The following AMT variants were observed in gnomAD, a reference collection of about 807,000 sequenced individuals.
AMT encodes the protein aminomethyltransferase, also known as aminomethyltransferase, mitochondrial.
Under a neutral mutation model 39.5 loss-of-function variants are expected in AMT, and 24 were observed. That is an observed-to-expected ratio of 0.61 (90% CI 0.44 to 0.86). AMT has a LOEUF of 0.86. Ranked by LOEUF, AMT falls within the 40% of genes least tolerant of loss-of-function variation. AMT has a pLI of 0.00. For synonymous variants in AMT, 210 were observed against 212.1 expected, an observed-to-expected ratio of 0.99 and a Z score of 0.09; for missense variants, 501 against 537.0, an observed-to-expected ratio of 0.93 and a Z score of 0.66.
rs764032357 is a variant in AMT at position 49,422,438 on chromosome 3, C to G, written c.13G>C (p.Val5Leu). Reference protein sequence around the residue: MQRAVSVVARLGFRL... With the variant: MQRALSVVARLGFRL... The stretch of plus-strand genomic sequence containing the variant: ...AAGCCCAGACGGGCCACCACACTTA[C>G]AGCCCTCTGCATCGTCGCCTGCAAC... Residue 5 changes from valine (V) to leucine (L), a missense_variant, in exon 1 of 9, where the codon GTA becomes CTA. Coordinates refer to ENST00000273588, the MANE Select transcript of AMT (RefSeq NM_000481.4). 13 of 1,613,228 alleles carry G rather than the reference C, an allele frequency of 8.1e-6. No homozygotes were observed. The highest frequency in any genetic ancestry group is 7.6e-6 in the Non-Finnish European group (9 of 1,179,960).
chr3:49,421,679 CA>C, intron 2 of AMT, 107 bp from the exon 3 acceptor site: 11 of 1,025,680 alleles, frequency 1.1e-5, no homozygotes, highest in Non-Finnish European at 1.2e-5. Context: ...CCAGCCCACC[CA>C]AAGTGACTAA....
intron 3 of AMT, 111 bp downstream of exon 3, chr3:49,421,381 T>G: frequency 1.2e-6 from 1 of 836,432 alleles, no homozygotes; most frequent in Non-Finnish European, 2.1e-6. Context: ...CTGCAAGCCC[T>G]GAGAAGCTGT....
Position 49,419,146 on chromosome 3 carries a change from C to G in AMT, c.702G>C (p.Ser234=), listed in dbSNP as rs761701860. The G allele has an allele frequency of 6.2e-7, 1 of 1,613,930 alleles. No individual in the cohort carries two copies. The highest frequency in any genetic ancestry group is 8.5e-7 in the Non-Finnish European group (1 of 1,179,950). Residue 234 remains serine (S), a synonymous_variant, in exon 7 of 9, where the codon TCG becomes TCC. Coordinates refer to ENST00000273588, the MANE Select transcript of AMT (RefSeq NM_000481.4). The part of the protein sequence containing the change: ...GYTGEDGVEI[S]VPVAGAVHLA... ...GGTGAACTGCCCCCGCTACCGGCAC[C>G]GAGATCTGTATGAAACACCAGAGGG...
chr3:49,420,743 C>T, intron 3 of AMT: 1 of 282,158 alleles, frequency 3.5e-6, no homozygotes, highest in East Asian at 8.4e-5. Context: ...CTCCTAAGTA[C>T]TCCATAGCAA....
chr3:49,422,259 T>G lies in AMT; in HGVS notation c.103A>C (p.Arg35=), dbSNP rs1385254988. The change falls in exon 2 of 9, where the codon AGG becomes CGG. Residue 35 remains arginine (R), a synonymous_variant. Coordinates refer to ENST00000273588, the MANE Select transcript of AMT (RefSeq NM_000481.4). ...AGGTGGAAGTCATAGAGCGGTGTCC[T>G]GCGGAGCACCTCCTGTGGGCGGCTG... is the stretch of plus-strand genomic sequence containing the variant. ...PLSCAQEVLR[R]TPLYDFHLAH... is the part of the protein sequence containing the mutation. 1 of 1,613,954 alleles carries G rather than the reference T, an allele frequency of 6.2e-7. No individual in the cohort carries two copies.
intron 4 of AMT, 61 bp downstream of exon 4, chr3:49,420,150 A>C: frequency 1.9e-6 from 3 of 1,609,538 alleles, no homozygotes; most frequent in Admixed American, 1.7e-5. Flanking sequence ...TGTCTTGGAC[A>C]ACAAGGATAC....
At position 49,417,218 on chromosome 3, in the gene AMT, C is replaced by T; in HGVS notation, c.*322G>A. On this transcript the variant is annotated 3_prime_UTR_variant, in exon 9 of 9. Transcript: ENST00000273588. Reference sequence around the variant, plus strand: ...TCTCCACAAAGGTGAGCCTTTGCTCCACAGCCAGCACCTGGCAGAGTGGGA... The same window carrying T: ...TCTCCACAAAGGTGAGCCTTTGCTCTACAGCCAGCACCTGGCAGAGTGGGA... 2.6e-6 allele frequency: 4 copies of T among 1,540,680 alleles called. No homozygotes were observed. The highest frequency in any genetic ancestry group is 2.7e-6 in the Non-Finnish European group (3 of 1,129,702).
At position 49,422,280 on chromosome 3, in the gene AMT, G is replaced by T; in HGVS notation, c.91-9C>A. The stretch of plus-strand genomic sequence containing the variant: ...GTCCTGCGGAGCACCTCCTGTGGGC[G>T]GCTGGGCTTAGTGCCACCAGGGCCC... On this transcript the variant is annotated splice_polypyrimidine_tract_variant and intron_variant, in intron 1 of 8. Transcript: ENST00000273588. 6.2e-7 allele frequency: 1 copy of T among 1,613,844 alleles called. No individual in the cohort carries two copies. Among genetic ancestry groups the T allele is most frequent in the Non-Finnish European group, 8.5e-7 (1 of 1,179,944 alleles).
chr3:49,416,914 CAGAAT>C lies in AMT; in HGVS notation c.*621_*625del. 1 of 459,606 alleles carries C rather than the reference CAGAAT, an allele frequency of 2.2e-6. No homozygotes were observed. Among genetic ancestry groups the C allele is most frequent in the Non-Finnish European group, 4.3e-6 (1 of 230,778 alleles). The allele number at this position is 459,606 out of a possible 1,614,324, so 28.5% of individuals were successfully genotyped here. A position where few individuals can be genotyped will look rare whatever the true frequency, so the allele number is the denominator to read the frequency against. On this transcript the variant is annotated 3_prime_UTR_variant, in exon 9 of 9. Transcript: ENST00000273588. ...CCTGCCCTACAGCAGCCCTGGAACT[CAGAAT>C]AGGTGGTGAGTCTGCCATGGTTTGC...
At chr3:49,421,327 A>G (rs2107935597) in intron 3 of AMT, 165 bp downstream of exon 3, 1 of 679,334 alleles carries the variant, frequency 1.5e-6, no homozygotes, top group East Asian at 2.7e-5. Flanking sequence ...CCCTCCCTAC[A>G]AATGTCTGTG....
At chr3:49,418,218 G>C in intron 7 of AMT, 1 of 539,056 alleles carries the variant, frequency 1.9e-6, no homozygotes, top group South Asian at 2.1e-5. Context: ...GAGTCACTCT[G>C]TCGCCCAGGC....
In AMT at chr3:49,422,419, A is replaced by G; in HGVS notation, c.32T>C (p.Leu11Pro). MQRAVSVVAR[L>P]GFRLQAFPPA... The stretch of plus-strand genomic sequence containing the variant: ...GGGGAATGCCTGCAGGCGAAAGCCC[A>G]GACGGGCCACCACACTTACAGCCCT... Residue 11 changes from leucine to proline, a missense_variant, in exon 1 of 9, where the codon CTG (leucine) becomes CCG (proline). Coordinates refer to ENST00000273588, the MANE Select transcript of AMT (RefSeq NM_000481.4). 1.9e-6 allele frequency: 3 copies of G among 1,613,026 alleles called. No individual in the cohort carries two copies. Among genetic ancestry groups the G allele is most frequent in the Non-Finnish European group, 2.5e-6 (3 of 1,179,850 alleles).
intron 7 of AMT, chr3:49,418,756 C>A: frequency 7.0e-6 from 4 of 570,170 alleles, no homozygotes; most frequent in Non-Finnish European, 1.3e-5. Flanking sequence ...CCACCCGCCT[C>A]GGCCTCCCAA....
In AMT at chr3:49,422,275, T is replaced by A; in HGVS notation, c.91-4A>T. On this transcript the variant is annotated splice_polypyrimidine_tract_variant and splice_region_variant and intron_variant, in intron 1 of 8. Transcript: ENST00000273588. ...GCGGTGTCCTGCGGAGCACCTCCTG[T>A]GGGCGGCTGGGCTTAGTGCCACCAG... 1.9e-6 allele frequency: 3 copies of A among 1,613,850 alleles called. No individual in the cohort carries two copies. In the South Asian group the frequency reaches 3.3e-5, roughly 18 times the overall value.
chr3:49,419,882 A>G, intron 4 of AMT, 94 bp from the exon 5 acceptor site: 4 of 1,216,200 alleles, frequency 3.3e-6, no homozygotes, highest in Non-Finnish European at 4.9e-6. Context: ...AGGACAGTGG[A>G]GAGGAGGAGG....
Position 49,417,894 on chromosome 3 carries a change from C to G in AMT, c.957G>C (p.Arg319Ser). The change falls in exon 8 of 9, where the codon AGG (arginine) becomes AGC (serine). Residue 319 changes from arginine (R) to serine (S), a missense_variant. By Grantham distance (110) the Arg-to-Ser change is moderately radical. Coordinates refer to ENST00000273588, the MANE Select transcript of AMT (RefSeq NM_000481.4). ...VPQLKGRVQR[R>S]RVGLMCEGAP... ...CCCCCTCACACATCAACCCCACACGCCTCCGCTGCACCCTGCCCTTCAGCT... is the reference window on the plus strand; with the variant it reads ...CCCCCTCACACATCAACCCCACACGGCTCCGCTGCACCCTGCCCTTCAGCT... 6.2e-7 allele frequency: 1 copy of G among 1,614,080 alleles called. No individual in the cohort carries two copies. Among genetic ancestry groups the G allele is most frequent in the Non-Finnish European group, 8.5e-7 (1 of 1,180,006 alleles).
Position 49,417,596 on chromosome 3 carries a change from TCTG to T in AMT, c.1153_1155del (p.Gln385del), listed in dbSNP as rs747544827. 36 of 1,614,076 alleles carry T rather than the reference TCTG, an allele frequency of 2.2e-5. No individual in the cohort carries two copies. The highest frequency in any genetic ancestry group is 2.8e-5 in the Non-Finnish European group (33 of 1,180,034). On this transcript the variant is annotated inframe_deletion, in exon 9 of 9. Transcript: ENST00000273588. The stretch of plus-strand genomic sequence containing the variant: ...AAGGGCATCTTGCTGACTACAGCCA[TCTG>T]CTGCTTCCGCCGCACCTCTACCAGC...
Position 49,419,050 on chromosome 3 carries a change from CA to C in AMT, c.797del (p.Leu266ArgfsTer47). ...TCCCATACAGGCAGAGGCCTGCCTCCAGGCGCAGGCTGTCCCTGGCTGCCAG... is the reference window on the plus strand; with the variant it reads ...TCCCATACAGGCAGAGGCCTGCCTCCGGCGCAGGCTGTCCCTGGCTGCCAG... ...AGLAARDSLR[L>X]EAGLCLYGND... On this transcript the variant is annotated frameshift_variant, in exon 7 of 9. Transcript: ENST00000273588. LOFTEE classifies it high-confidence loss of function. 6.2e-7 allele frequency: 1 copy of C among 1,614,102 alleles called. No individual in the cohort carries two copies. Among genetic ancestry groups the C allele is most frequent in the Middle Eastern group, 1.6e-4 (1 of 6,062 alleles).
At position 49,421,520 on chromosome 3, in the gene AMT, C is replaced by A. The variant is rs753221440; in HGVS notation, c.311G>T (p.Gly104Val). ...RVKLMESLVV[G>V]DIAELRPNQG... ...GTTTGGTCTTAGCTCTGCAATGTCTCCAACCACTAGACTCTCCATCAGCTT... is the reference window on the plus strand; with the variant it reads ...GTTTGGTCTTAGCTCTGCAATGTCTACAACCACTAGACTCTCCATCAGCTT... The change falls in exon 3 of 9, where the codon GGA becomes GTA. Residue 104 changes from glycine to valine, a missense_variant. Gly to Val is a moderately radical substitution (Grantham distance 109). Transcript: ENST00000273588. 6.2e-7 allele frequency: 1 copy of A among 1,614,160 alleles called. No homozygotes were observed. The highest frequency in any genetic ancestry group is 8.5e-7 in the Non-Finnish European group (1 of 1,180,034).
Sources: allele counts gnomAD v4.1 joint callset, GRCh38; gene constraint gnomAD v4.1.1; transcripts MANE v1.5; gene names NCBI Gene and HGNC (gene_info 2026-07-23, HGNC 2026-07-21).